ADAMTS6: variants seen among roughly 807,000 people sequenced by gnomAD.
ADAMTS6 encodes the protein A disintegrin and metalloproteinase with thrombospondin motifs 6.
A neutral mutation model predicts 144.3 loss-of-function variants in ADAMTS6; 23 were observed. The ratio of observed to expected loss-of-function variants is 0.16; its 90% CI spans 0.11 to 0.23. The LOEUF is 0.23. Among genes scored for constraint, ADAMTS6 ranks in the 10% least tolerant of loss-of-function variants. The pLI, the probability that ADAMTS6 is intolerant of heterozygous loss-of-function variation, is 1.00. For missense variants in ADAMTS6, 999 were observed against 1,379.6 expected (o/e 0.72, Z 4.37); for synonymous variants, 444 against 457.5 (o/e 0.97, Z 0.38).
chr5:65,398,284 T>G (rs1378422516), intron 7 of ADAMTS6, among the ~76,000 whole-genome samples: 1 of 152,254 alleles, frequency 6.6e-6, no homozygotes, highest in East Asian at 1.9e-4. Flanking sequence ...CTTTCAGTTT[T>G]TGCCTCCTAT....
intron 9 of ADAMTS6, among the ~76,000 whole-genome samples, chr5:65,314,368 C>G (rs1744787692): frequency 6.6e-6 from 1 of 151,940 alleles, no homozygotes; most frequent in Non-Finnish European, 1.5e-5. Flanking sequence ...ACCCACACCC[C>G]AGAATACACC....
intron 21 of ADAMTS6, among the ~76,000 whole-genome samples, chr5:65,194,833 T>C (rs771187478): frequency 1.1e-4 from 16 of 152,190 alleles, no homozygotes; most frequent in South Asian, 2.1e-4. Flanking sequence ...CATAAGGAGA[T>C]AGAAAGCTTA....
rs7727645 is a variant in ADAMTS6, at chr5:65,472,203, G to A, written c.98-1061C>T. Among the ~76,000 whole-genome samples, 805 of 152,174 alleles carry A rather than the reference G, an allele frequency of 5.3e-3. 11 individuals carry two copies. Among genetic ancestry groups the A allele is most frequent in the African/African-American group, 0.019 (769 of 41,516 alleles). On this transcript the variant is annotated intron_variant, in intron 2 of 24. Transcript: ENST00000381055. ...AAGTCACAATATGCCACATATCATT[G>A]CATTTATATGAAATATCCAGAATAG...
chr5:65,151,742 G>A lies in ADAMTS6; in HGVS notation c.*94C>T. On this transcript the variant is annotated 3_prime_UTR_variant, in exon 25 of 25. Transcript: ENST00000381055. ...ACGTTTTCCACAGGGTAATGCATTT[G>A]CAAGGACATCAATCCTCTTCCTCTG... 1 of 1,107,734 alleles carries A rather than the reference G, an allele frequency of 9.0e-7. No homozygotes were observed. The highest frequency in any genetic ancestry group is 1.3e-6 in the Non-Finnish European group (1 of 742,162). 68.6% of individuals were successfully genotyped at this position (1,107,734 alleles called of 1,614,324 possible).
At chr5:65,316,894 T>A (rs1265851674) in intron 9 of ADAMTS6, among the ~76,000 whole-genome samples, 1 of 152,046 alleles carries the variant, frequency 6.6e-6, no homozygotes, top group Non-Finnish European at 1.5e-5. Flanking sequence ...CTCTGCCTCC[T>A]GGGTTCAAGC....
chr5:65,150,778 T>C lies in ADAMTS6; in HGVS notation c.*1058A>G, dbSNP rs914037155. The C allele has an allele frequency of 1.3e-5, 2 of 152,672 alleles. No individual in the cohort carries two copies. Among genetic ancestry groups the C allele is most frequent in the South Asian group, 4.1e-4 (2 of 4,832 alleles). The allele number at this position is 152,672 out of a possible 1,614,324, so 9.5% of individuals were successfully genotyped here. A position where few individuals can be genotyped will look rare whatever the true frequency, so the allele number is the denominator to read the frequency against. ...AAGAAGGGACATCTGGAACTCATCGTAATTGTCAACAAACTGCAAAAGGGT... is the reference window on the plus strand; with the variant it reads ...AAGAAGGGACATCTGGAACTCATCGCAATTGTCAACAAACTGCAAAAGGGT... On this transcript the variant is annotated 3_prime_UTR_variant, in exon 25 of 25. Transcript: ENST00000381055.
At chr5:65,477,084 G>A (rs879093950) in intron 1 of ADAMTS6, among the ~76,000 whole-genome samples, 3 of 152,062 alleles carry the variant, frequency 2.0e-5, no homozygotes, top group East Asian at 1.9e-4. Flanking sequence ...ATTCAATAAC[G>A]GCAATAAGAA....
At chr5:65,331,630 G>A (rs1311059043) in intron 8 of ADAMTS6, among the ~76,000 whole-genome samples, 5 of 151,780 alleles carry the variant, frequency 3.3e-5, no homozygotes, top group Admixed American at 2.0e-4. Context: ...TAACTATTTC[G>A]GTCATTTAGG....
chr5:65,354,604 GA>G (rs1458644192), intron 7 of ADAMTS6, among the ~76,000 whole-genome samples: 2 of 151,618 alleles, frequency 1.3e-5, no homozygotes, highest in Non-Finnish European at 3.0e-5. Flanking sequence ...ATTGATATTT[GA>G]TAATACTACT....
At chr5:65,283,933 C>A (rs993292548) in intron 11 of ADAMTS6, among the ~76,000 whole-genome samples, 2 of 151,972 alleles carry the variant, frequency 1.3e-5, no homozygotes, top group Non-Finnish European at 2.9e-5. Context: ...GTTTTTGAGG[C>A]CAACATTTAG....
At chr5:65,333,965 CA>C in intron 8 of ADAMTS6, 76 bp downstream of exon 8, 1 of 1,139,570 alleles carries the variant, frequency 8.8e-7, no homozygotes, top group Non-Finnish European at 1.1e-6. Flanking sequence ...GTCATTGGTC[CA>C]AAAAGACAAT....
At chr5:65,355,927 C>A (rs1451953366) in intron 7 of ADAMTS6, among the ~76,000 whole-genome samples, 1 of 151,696 alleles carries the variant, frequency 6.6e-6, no homozygotes, top group Non-Finnish European at 1.5e-5. Flanking sequence ...CTAATTGTTT[C>A]TTTATTTTTA....
intron 9 of ADAMTS6, among the ~76,000 whole-genome samples, chr5:65,309,130 T>G (rs1744231857): frequency 1.4e-5 from 2 of 146,798 alleles, no homozygotes; most frequent in Non-Finnish European, 1.5e-5. Flanking sequence ...GGCGGGGGGG[T>G]GGTGGTTTCA....
chr5:65,154,034 C>T (rs1242527185), intron 24 of ADAMTS6, among the ~76,000 whole-genome samples: 1 of 151,942 alleles, frequency 6.6e-6, no homozygotes, highest in Non-Finnish European at 1.5e-5. Context: ...ATGGTGAAAC[C>T]GCATTTATAC....
intron 24 of ADAMTS6, 30 bp downstream of exon 24, chr5:65,170,587 C>A: frequency 6.2e-7 from 1 of 1,610,662 alleles, no homozygotes; most frequent in Non-Finnish European, 8.5e-7. Flanking sequence ...TCATTAGAAA[C>A]CACAGGCCCC....
intron 7 of ADAMTS6, among the ~76,000 whole-genome samples, chr5:65,382,710 C>A (rs1017143424): frequency 1.3e-5 from 2 of 152,240 alleles, no homozygotes; most frequent in Non-Finnish European, 2.9e-5. Context: ...TTGCCCTTCA[C>A]AGGTGATGCC....
At chr5:65,373,925 T>G (rs893503731) in intron 7 of ADAMTS6, among the ~76,000 whole-genome samples, 4 of 152,188 alleles carry the variant, frequency 2.6e-5, no homozygotes, top group African/African-American at 9.7e-5. Context: ...CAAGTGGGCT[T>G]CATCCCTGGG....
chr5:65,238,757 T>C (rs890166408), intron 15 of ADAMTS6, among the ~76,000 whole-genome samples: 1 of 152,108 alleles, frequency 6.6e-6, no homozygotes, highest in Non-Finnish European at 1.5e-5. Flanking sequence ...GACCTTACAC[T>C]TAAAGGAAAA....
At chr5:65,297,512 T>C (rs957474954) in intron 10 of ADAMTS6, among the ~76,000 whole-genome samples, 6 of 152,204 alleles carry the variant, frequency 3.9e-5, no homozygotes, top group African/African-American at 1.4e-4. Context: ...TTCAAGATTC[T>C]TTTTCTTGAG....
Sources: gnomAD v4.1 joint callset for allele counts (sites outside exome capture counted in the v4.1 genomes callset) on GRCh38, gnomAD v4.1.1 for gene constraint, MANE v1.5 for transcripts, NCBI Gene and HGNC (gene_info 2026-07-23, HGNC 2026-07-21) for gene names.